KLHDC10: variants seen among roughly 807,000 people sequenced by gnomAD.
KLHDC10 encodes kelch domain containing 10, also known as kelch domain-containing protein 10.
KLHDC10 carries 24 observed loss-of-function variants against 56.1 expected under a neutral mutation model. The observed-to-expected ratio is 0.43, with a 90% CI of 0.31 to 0.60. The LOEUF is 0.60. Among genes scored for constraint, KLHDC10 ranks in the 20% least tolerant of loss-of-function variants. The pLI is 0.11. For missense variants in KLHDC10, 349 were observed against 567.0 expected (o/e 0.62, Z 3.91); for synonymous variants, 188 against 207.1 (o/e 0.91, Z 0.79).
chr7:130,128,889 A>AAAATAT, intron 8 of KLHDC10, among the ~76,000 whole-genome samples: 695 of 66,894 alleles, frequency 0.01, 13 homozygotes, highest in South Asian at 0.017. Context: ...AAAAAAAAAA[A>AAAATAT]ATATATATAT....
At position 130,129,509 on chromosome 7, in the gene KLHDC10, T is replaced by G. The variant is rs1796367257; in HGVS notation, c.1052T>G (p.Phe351Cys). The change falls in exon 9 of 10, where the codon TTC (phenylalanine) becomes TGC (cysteine). Residue 351 changes from phenylalanine to cysteine, a missense_variant. By Grantham distance (205) the Phe-to-Cys change is radical (BLOSUM62 -2). Coordinates refer to ENST00000335420, the MANE Select transcript of KLHDC10 (RefSeq NM_014997.4). ...ATCTGGAAGTTGAATCTGCAGACTTTCCAATGGGTGAAGCTCCCAGCTACC... is the reference window on the plus strand; with the variant it reads ...ATCTGGAAGTTGAATCTGCAGACTTGCCAATGGGTGAAGCTCCCAGCTACC... ...GDIWKLNLQTFQWVKLPATMP... is the reference protein window; with the variant it reads ...GDIWKLNLQTCQWVKLPATMP... The G allele has an allele frequency of 9.9e-6, 16 of 1,614,184 alleles. No homozygotes were observed. Among genetic ancestry groups the G allele is most frequent in the Non-Finnish European group, 1.3e-5 (15 of 1,180,026 alleles).
chr7:130,091,895 C>G (rs1366938390), intron 1 of KLHDC10, among the ~76,000 whole-genome samples: 1 of 152,152 alleles, frequency 6.6e-6, no homozygotes, highest in Non-Finnish European at 1.5e-5. Flanking sequence ...AGGAAGCAAA[C>G]TTTTTGGGCC....
intron 1 of KLHDC10, among the ~76,000 whole-genome samples, chr7:130,071,541 G>C (rs933898393): frequency 1.3e-5 from 2 of 152,158 alleles, no homozygotes; most frequent in Non-Finnish European, 2.9e-5. Context: ...CTAGCCTTGA[G>C]TTCAGATGCT....
At chr7:130,080,444 A>C (rs982662242) in intron 1 of KLHDC10, among the ~76,000 whole-genome samples, 3 of 151,532 alleles carry the variant, frequency 2.0e-5, no homozygotes, top group African/African-American at 7.3e-5. Flanking sequence ...CCAGGCTGGA[A>C]TGCAGTGGCA....
chr7:130,081,614 C>T (rs1380543234), intron 1 of KLHDC10, among the ~76,000 whole-genome samples: 4 of 152,206 alleles, frequency 2.6e-5, no homozygotes, highest in Admixed American at 6.5e-5. Flanking sequence ...CCACTGCACC[C>T]GGCATTTTGA....
At chr7:130,111,208 G>A (rs144061618) in intron 2 of KLHDC10, among the ~76,000 whole-genome samples, 12 of 152,116 alleles carry the variant, frequency 7.9e-5, no homozygotes, top group African/African-American at 2.4e-4. Context: ...TGATGTATTC[G>A]AATTCTGAAT....
rs189485685 is a variant in KLHDC10 at position 130,118,937 on chromosome 7, C to T, written c.476-1812C>T. Among the ~76,000 whole-genome samples the T allele has an allele frequency of 1.1e-3, 163 of 152,124 alleles. 1 individual carries two copies. Among genetic ancestry groups the T allele is most frequent in the African/African-American group, 3.8e-3 (156 of 41,514 alleles). On this transcript the variant is annotated intron_variant, in intron 3 of 9. Coordinates refer to ENST00000335420, the MANE Select transcript of KLHDC10 (RefSeq NM_014997.4). ...ATCAAAGATCGCTGATCAGTGCTGG[C>T]GTGGTGGCTCAGGCCTGTAATCCCA... is the stretch of plus-strand genomic sequence containing the variant.
chr7:130,107,071 A>G (rs1186000249), intron 2 of KLHDC10, among the ~76,000 whole-genome samples: 1 of 152,248 alleles, frequency 6.6e-6, no homozygotes, highest in African/African-American at 2.4e-5. Flanking sequence ...ACAGAATACT[A>G]TAAGAAACCA....
chr7:130,096,694 C>T (rs1795853632), intron 1 of KLHDC10, among the ~76,000 whole-genome samples: 3 of 152,148 alleles, frequency 2.0e-5, no homozygotes, highest in Non-Finnish European at 1.5e-5. Context: ...AAACGGTGCA[C>T]AAAATTGTAT....
In KLHDC10 at chr7:130,116,542, G is replaced by A. The variant is rs756875729; in HGVS notation, c.351G>A (p.Ser117=). ...GTTATAACCCAGATTATGATGAATC[G>A]GGAGGGCCTGATAATGAAGACTATC... ...FGGYNPDYDE[S]GGPDNEDYPL... is the part of the protein sequence containing the mutation. The change falls in exon 3 of 10, where the codon TCG becomes TCA. Residue 117 remains serine, a synonymous_variant. Coordinates refer to ENST00000335420, the MANE Select transcript of KLHDC10 (RefSeq NM_014997.4). The surrounding 1 kb of genome is among the most constrained non-coding windows in gnomAD (Gnocchi z 4.8). 8.1e-6 allele frequency: 13 copies of A among 1,613,938 alleles called. No individual in the cohort carries two copies. The highest frequency in any genetic ancestry group is 7.7e-5 in the South Asian group (7 of 91,088).
Position 130,070,774 on chromosome 7 carries a change from G to T in KLHDC10, c.131G>T (p.Arg44Leu), listed in dbSNP as rs1795396165. The change falls in exon 1 of 10, where the codon CGC becomes CTC. Residue 44 changes from arginine (R) to leucine (L), a missense_variant. Around this residue, in one of 2 missense-constraint regions of KLHDC10, gnomAD observed 104 missense variants for 97.0 expected, o/e 1.07. Coordinates refer to ENST00000335420, the MANE Select transcript of KLHDC10 (RefSeq NM_014997.4). Reference protein sequence around the residue: ...SGGRGTGQLNRFVQLSGRPHL... With the variant: ...SGGRGTGQLNLFVQLSGRPHL... ...GGTCGGGGGACTGGCCAGCTCAACC[G>T]CTTCGTGCAACTCTCCGGGCGGCCG... 2 of 1,308,040 alleles carry T rather than the reference G, an allele frequency of 1.5e-6. No individual in the cohort carries two copies. Among genetic ancestry groups the T allele is most frequent in the African/African-American group, 1.5e-5 (1 of 66,360 alleles). 81.0% of individuals were successfully genotyped at this position (1,308,040 alleles called of 1,614,324 possible). A position where few individuals can be genotyped will look rare whatever the true frequency, so the allele number is the denominator to read the frequency against.
In KLHDC10 at chr7:130,124,673, A is replaced by G. The variant is rs1584639886; in HGVS notation, c.864+138A>G. The stretch of plus-strand genomic sequence containing the variant: ...CTCATTAACACCTATTTTGTGTTGG[A>G]TGCACTTTATAAGGTCGAACCCTGT... On this transcript the variant is annotated intron_variant, in intron 6 of 9. Coordinates refer to ENST00000335420, the MANE Select transcript of KLHDC10 (RefSeq NM_014997.4). 5 of 563,506 alleles carry G rather than the reference A, an allele frequency of 8.9e-6. No homozygotes were observed. In the East Asian group the frequency reaches 1.4e-4, roughly 16 times the overall value. The allele number at this position is 563,506 out of a possible 1,614,324, so 34.9% of individuals were successfully genotyped here.
At chr7:130,081,160 G>A (rs766933558) in intron 1 of KLHDC10, among the ~76,000 whole-genome samples, 6 of 150,688 alleles carry the variant, frequency 4.0e-5, no homozygotes, top group Non-Finnish European at 7.4e-5. Context: ...CACTACACCC[G>A]GCTAATTTTT....
In KLHDC10 at chr7:130,073,640, T is replaced by C. The variant is rs139258695; in HGVS notation, c.166+2831T>C. Among the ~76,000 whole-genome samples, 7 of 152,256 alleles carry C rather than the reference T, an allele frequency of 4.6e-5. No homozygotes were observed. In the East Asian group the frequency reaches 1.2e-3, roughly 25 times the overall value. On this transcript the variant is annotated intron_variant, in intron 1 of 9. Transcript: ENST00000335420. Reference sequence around the variant, plus strand: ...CATCCTTCTCTACCAAGACTTCCAGTTACTGATACTTAGAACCTTTTCTTA... The same window carrying C: ...CATCCTTCTCTACCAAGACTTCCAGCTACTGATACTTAGAACCTTTTCTTA...
At position 130,120,854 on chromosome 7, in the gene KLHDC10, G is replaced by A; in HGVS notation, c.581G>A (p.Trp194Ter). The A allele has an allele frequency of 6.2e-7, 1 of 1,614,090 alleles. No homozygotes were observed. The highest frequency in any genetic ancestry group is 2.2e-5 in the East Asian group (1 of 44,878). Reference sequence around the variant, plus strand: ...GTGTGTAATGTGAAGTATAAGAGATGGGCTTTGCTCAGCTGTCGGGGGAAG... The same window carrying A: ...GTGTGTAATGTGAAGTATAAGAGATAGGCTTTGCTCAGCTGTCGGGGGAAG... Reference protein sequence around the residue: ...VHVCNVKYKRWALLSCRGKKP... With the variant: ...VHVCNVKYKR Residue 194 changes from tryptophan (W) to a stop codon, truncating the protein, a stop_gained, in exon 4 of 10, where the codon TGG (tryptophan) becomes TAG (stop). Transcript: ENST00000335420. LOFTEE classifies it high-confidence loss of function. This position sits in a 1 kb window ranked among gnomAD's most constrained non-coding sequence, Gnocchi z 5.1.
chr7:130,111,329 T>C (rs1300443253), intron 2 of KLHDC10, among the ~76,000 whole-genome samples: 1 of 152,136 alleles, frequency 6.6e-6, no homozygotes, highest in African/African-American at 2.4e-5. Context: ...AAAGACAAGA[T>C]TGAGAGACTC....
chr7:130,116,404 C>A lies in KLHDC10; in HGVS notation c.254-41C>A. The A allele has an allele frequency of 6.6e-7, 1 of 1,524,256 alleles. No individual in the cohort carries two copies. Among genetic ancestry groups the A allele is most frequent in the Non-Finnish European group, 9.0e-7 (1 of 1,109,254 alleles). The allele number at this position is 1,524,256 out of a possible 1,614,324, so 94.4% of individuals were successfully genotyped here. ...ACCTAATTTTGTTTGTGCTTTTAAA[C>A]TGGTAGGACACCTGTGGAAAACTGT... is the stretch of plus-strand genomic sequence containing the variant. On this transcript the variant is annotated intron_variant, in intron 2 of 9. Coordinates refer to ENST00000335420, the MANE Select transcript of KLHDC10 (RefSeq NM_014997.4). The surrounding 1 kb of genome is among the most constrained non-coding windows in gnomAD (Gnocchi z 4.8).
At chr7:130,077,380 A>C (rs1478393009) in intron 1 of KLHDC10, among the ~76,000 whole-genome samples, 11 of 148,208 alleles carry the variant, frequency 7.4e-5, no homozygotes, top group African/African-American at 2.7e-4. Flanking sequence ...AAAAAAAAAA[A>C]AACAGTATAT....
chr7:130,108,070 CA>C (rs1241868040), intron 2 of KLHDC10, among the ~76,000 whole-genome samples: 1 of 146,952 alleles, frequency 6.8e-6, no homozygotes, highest in African/African-American at 2.5e-5. Flanking sequence ...AAAAACAAAA[CA>C]AAAAAAAACT....
Sources: allele counts gnomAD v4.1 joint callset (sites outside exome capture counted in the v4.1 genomes callset), GRCh38; gene constraint gnomAD v4.1.1; regional missense constraint gnomAD v4.1.1; non-coding constraint Gnocchi (gnomAD v3.1); transcripts MANE v1.5; gene names NCBI Gene and HGNC (gene_info 2026-07-23, HGNC 2026-07-21).